DIP2A: variants seen among roughly 807,000 people sequenced by gnomAD.
DIP2A encodes the protein disco-interacting protein 2 homolog A.
DIP2A carries 85 observed loss-of-function variants against 177.4 expected under a neutral mutation model. That is an observed-to-expected ratio of 0.48 (90% CI 0.40 to 0.57). The LOEUF is 0.57. DIP2A is among the 20% of genes least tolerant of loss of function. DIP2A has a pLI of 0.00. For missense variants in DIP2A, 1,791 were observed against 2,100.2 expected (o/e 0.85, Z 2.88); for synonymous variants, 886 against 881.8 (o/e 1.00, Z -0.08).
intron 2 of DIP2A, among the ~76,000 whole-genome samples, chr21:46,489,725 G>A (rs2056898491): frequency 1.3e-5 from 2 of 152,204 alleles, no homozygotes; most frequent in Non-Finnish European, 2.9e-5. Flanking sequence ...GAAACATTTT[G>A]AAACAAAGGC....
intron 21 of DIP2A, among the ~76,000 whole-genome samples, chr21:46,547,694 C>G (rs1601794720): frequency 8.7e-6 from 1 of 114,816 alleles, no homozygotes; most frequent in East Asian, 3.1e-4. Flanking sequence ...AAGATAGGGT[C>G]TCACTCTGTT....
chr21:46,547,999 G>T (rs1057178962), intron 21 of DIP2A, among the ~76,000 whole-genome samples: 7 of 152,068 alleles, frequency 4.6e-5, no homozygotes, highest in African/African-American at 1.7e-4. Flanking sequence ...CTCAAACTAA[G>T]GTACTTGGGA....
intron 6 of DIP2A, 146 bp downstream of exon 6, chr21:46,504,635 G>A: frequency 1.0e-6 from 1 of 990,174 alleles, no homozygotes; most frequent in Non-Finnish European, 1.4e-6. Flanking sequence ...ACCAGTGTGT[G>A]CAGTTAATGT....
downstream of DIP2A, among the ~76,000 whole-genome samples, chr21:46,574,677 G>A (rs1304091625): frequency 2.0e-5 from 3 of 152,074 alleles, no homozygotes; most frequent in African/African-American, 4.8e-5. Flanking sequence ...ATGCACAATT[G>A]TATGCCAACA....
In DIP2A at chr21:46,560,751, C is replaced by G. The variant is rs1444605835; in HGVS notation, c.3999C>G (p.Val1333=). ...CAGCTGGCCCGGACCCCACAACCGT[C>G]TACGTGGACATGCGGGCACTGCGCC... ...QGTAGPDPTT[V]YVDMRALRHD... Residue 1333 remains valine, a synonymous_variant, in exon 33 of 38, where the codon GTC becomes GTG. Transcript: ENST00000417564. The G allele has an allele frequency of 6.2e-7, 1 of 1,609,528 alleles. No homozygotes were observed. Among genetic ancestry groups the G allele is most frequent in the Admixed American group, 1.7e-5 (1 of 59,482 alleles).
intron 1 of DIP2A, chr21:46,462,789 A>G (rs1411016116): frequency 6.6e-6 from 1 of 152,176 alleles, no homozygotes; most frequent in Non-Finnish European, 1.5e-5. Flanking sequence ...TGAATAATCT[A>G]GAAAATCCTG....
Position 46,557,746 on chromosome 21 carries a change from T to C in DIP2A, c.3791T>C (p.Val1264Ala). The C allele has an allele frequency of 6.2e-7, 1 of 1,608,108 alleles. No individual in the cohort carries two copies. The highest frequency in any genetic ancestry group is 8.5e-7 in the Non-Finnish European group (1 of 1,175,228). ...CTKGLGAQTG[V>A]LRMKGVNLSC... ...AAGGGCCTAGGCGCACAGACGGGTG[T>C]CCTCAGGGTGAGTGCCCAGACCCGG... Residue 1264 changes from valine to alanine, a missense_variant, in exon 31 of 38, where the codon GTC (valine) becomes GCC (alanine). Physicochemically the swap from Val to Ala is moderately conservative, Grantham distance 64 (BLOSUM62 0). Transcript: ENST00000417564. The surrounding 1 kb of genome is among the most constrained non-coding windows in gnomAD (Gnocchi z 6.0).
In DIP2A at chr21:46,498,505, C is replaced by T; in HGVS notation, c.404-77C>T. 3.3e-6 allele frequency: 5 copies of T among 1,517,092 alleles called. No homozygotes were observed. Among genetic ancestry groups the T allele is most frequent in the Non-Finnish European group, 4.5e-6 (5 of 1,121,270 alleles). The allele number at this position is 1,517,092 out of a possible 1,614,324, so 94.0% of individuals were successfully genotyped here. ...GCATGCTGCACACAGGTCTGGGAGG[C>T]TCCAGTGTGAGTGGGAACTCCGTCC... is the stretch of plus-strand genomic sequence containing the variant. On this transcript the variant is annotated intron_variant, in intron 4 of 37. Transcript: ENST00000417564. The surrounding 1 kb of genome is among the most constrained non-coding windows in gnomAD (Gnocchi z 4.3).
At position 46,567,413 on chromosome 21, in the gene DIP2A, C is replaced by A; in HGVS notation, c.4507C>A (p.Leu1503Met). Residue 1503 changes from leucine to methionine, a missense_variant, in exon 38 of 38, where the codon CTG becomes ATG. Physicochemically the swap from Leu to Met is conservative, Grantham distance 15 (BLOSUM62 2). Coordinates refer to ENST00000417564, the MANE Select transcript of DIP2A (RefSeq NM_015151.4). ...CAACCTGCTGGTGGTGGTGGTGGAG[C>A]TGGATGGGCTAGAGCAGGATGCCCT... ...WTNLLVVVVE[L>M]DGLEQDALDL... The A allele has an allele frequency of 5.0e-6, 8 of 1,613,856 alleles. No individual in the cohort carries two copies. The highest frequency in any genetic ancestry group is 6.8e-6 in the Non-Finnish European group (8 of 1,179,848).
chr21:46,523,994 C>T (rs959847876), intron 8 of DIP2A, among the ~76,000 whole-genome samples: 1 of 152,160 alleles, frequency 6.6e-6, no homozygotes, highest in African/African-American at 2.4e-5. Context: ...CCAGCCATTG[C>T]GGCGACGCTG....
intron 5 of DIP2A, among the ~76,000 whole-genome samples, chr21:46,501,707 G>A (rs898962105): frequency 2.6e-5 from 4 of 152,204 alleles, no homozygotes; most frequent in African/African-American, 9.6e-5. Context: ...ATAGGAATGA[G>A]CCACTGCTCC....
Position 46,567,469 on chromosome 21 carries a change from G to A in DIP2A, c.4563G>A (p.Val1521=), listed in dbSNP as rs777781252. ...LDLVALVTNV[V]LEEHYLVVGV... Reference sequence around the variant, plus strand: ...TGGTGGCCCTGGTGACCAACGTGGTGCTGGAGGAGCACTACCTGGTCGTGG... The same window carrying A: ...TGGTGGCCCTGGTGACCAACGTGGTACTGGAGGAGCACTACCTGGTCGTGG... The change falls in exon 38 of 38, where the codon GTG becomes GTA. Residue 1521 remains valine, a synonymous_variant. Transcript: ENST00000417564. 6 of 1,614,022 alleles carry A rather than the reference G, an allele frequency of 3.7e-6. No homozygotes were observed. In the South Asian group the frequency reaches 4.4e-5, roughly 12 times the overall value.
intron 8 of DIP2A, among the ~76,000 whole-genome samples, chr21:46,512,954 C>T (rs1016349903): frequency 1.3e-5 from 2 of 152,152 alleles, no homozygotes; most frequent in Non-Finnish European, 2.9e-5. Flanking sequence ...GCCACTGCAC[C>T]TGGCCTCTTA....
chr21:46,534,426 G>A (rs913560098), intron 12 of DIP2A, among the ~76,000 whole-genome samples, 159 bp from the exon 13 acceptor site: 1 of 152,202 alleles, frequency 6.6e-6, no homozygotes, highest in African/African-American at 2.4e-5. Flanking sequence ...TCCCCTCAGC[G>A]GCCAGGGTTT....
Position 46,549,819 on chromosome 21 carries a change from G to C in DIP2A, c.2571G>C (p.Leu857=), listed in dbSNP as rs772465421. The C allele has an allele frequency of 1.9e-6, 3 of 1,613,600 alleles. No homozygotes were observed. Among genetic ancestry groups the C allele is most frequent in the East Asian group, 4.5e-5 (2 of 44,888 alleles). ...TGCTGCACGACGACCGGATTGTCCT[G>C]GTGGCTGAGCAGCGGCCGGATGCCT... is the stretch of plus-strand genomic sequence containing the variant. ...VTVLHDDRIV[L]VAEQRPDASE... The change falls in exon 22 of 38, where the codon CTG becomes CTC. Residue 857 remains leucine (L), a synonymous_variant. Transcript: ENST00000417564.
At position 46,556,682 on chromosome 21, in the gene DIP2A, CAAAAA is replaced by C; in HGVS notation, c.3499-247_3499-243del. On this transcript the variant is annotated intron_variant, in intron 29 of 37. Transcript: ENST00000417564. This position sits in a 1 kb window ranked among gnomAD's most constrained non-coding sequence, Gnocchi z 4.5. ...TGGGCGACAGAGCAAGACTCTGCCTCAAAAAAAAAAAAAAGAAAAAAATTTTAAAA... is the reference window on the plus strand; with the variant it reads ...TGGGCGACAGAGCAAGACTCTGCCTCAAAAAAAAAGAAAAAAATTTTAAAA... The C allele has an allele frequency of 4.4e-6, 1 of 229,422 alleles. No homozygotes were observed. The highest frequency in any genetic ancestry group is 7.6e-6 in the Non-Finnish European group (1 of 131,164). 14.2% of individuals were successfully genotyped at this position (229,422 alleles called of 1,614,324 possible). A position where few individuals can be genotyped will look rare whatever the true frequency, so the allele number is the denominator to read the frequency against.
chr21:46,529,766 A>G (rs1465041871), intron 9 of DIP2A, among the ~76,000 whole-genome samples: 2 of 152,118 alleles, frequency 1.3e-5, no homozygotes, highest in African/African-American at 4.8e-5. Flanking sequence ...AAAATGTTAG[A>G]TTCCAGAGCT....
At position 46,459,061 on chromosome 21, in the gene DIP2A, C is replaced by T. The variant is rs1208477108; in HGVS notation, c.-71C>T. 1.6e-5 allele frequency: 20 copies of T among 1,289,640 alleles called. No individual in the cohort carries two copies. The South Asian group carries it at 1.7e-4, about 11-fold the overall frequency. 79.9% of individuals were successfully genotyped at this position (1,289,640 alleles called of 1,614,324 possible). A position where few individuals can be genotyped will look rare whatever the true frequency, so the allele number is the denominator to read the frequency against. ...TGTTGGCCTGAGGGGAGCTACGTAG[C>T]CGAGGTTTGCGCTGCCGCCGCCAGG... is the stretch of plus-strand genomic sequence containing the variant. On this transcript the variant is annotated 5_prime_UTR_variant, in exon 1 of 38. Coordinates refer to ENST00000417564, the MANE Select transcript of DIP2A (RefSeq NM_015151.4).
chr21:46,522,021 C>T (rs1010448967), intron 8 of DIP2A, among the ~76,000 whole-genome samples: 2 of 152,160 alleles, frequency 1.3e-5, no homozygotes, highest in Non-Finnish European at 2.9e-5. Flanking sequence ...CATTGTTAAC[C>T]GAAGAAGCAG....
Sources: gnomAD v4.1 joint callset for allele counts (sites outside exome capture counted in the v4.1 genomes callset) on GRCh38, gnomAD v4.1.1 for gene constraint, Gnocchi (gnomAD v3.1) non-coding constraint, MANE v1.5 for transcripts, NCBI Gene and HGNC (gene_info 2026-07-23, HGNC 2026-07-21) for gene names.